The following ARID4B variants were observed in gnomAD, a reference collection of about 807,000 sequenced individuals.
The protein encoded by ARID4B is AT-rich interactive domain-containing protein 4B.
Under a neutral mutation model 147.5 loss-of-function variants are expected in ARID4B, and 26 were observed. The observed-to-expected ratio is 0.18, with a 90% CI of 0.13 to 0.24. ARID4B has a LOEUF of 0.24. Among genes scored for constraint, ARID4B ranks in the 10% least tolerant of loss-of-function variants. The pLI, the probability that ARID4B is intolerant of heterozygous loss-of-function variation, is 1.00. For synonymous variants in ARID4B, 512 were observed against 507.9 expected (o/e 1.01, Z -0.11); for missense variants, 1,179 against 1,511.5 (o/e 0.78, Z 3.65).
intron 2 of ARID4B, among the ~76,000 whole-genome samples, chr1:235,298,162 A>G (rs944716868): frequency 4.6e-5 from 7 of 152,192 alleles, no homozygotes; most frequent in African/African-American, 1.7e-4. Flanking sequence ...GGGAGAAAGG[A>G]GAGAAGAGGG....
intron 2 of ARID4B, among the ~76,000 whole-genome samples, chr1:235,318,237 C>T (rs1381384535): frequency 3.8e-5 from 5 of 132,580 alleles, no homozygotes; most frequent in East Asian, 2.2e-4. Context: ...AGTGCAGTGG[C>T]GCCATCGCAG....
chr1:235,268,359 G>GTATA (rs1232086723), intron 2 of ARID4B, among the ~76,000 whole-genome samples: 1 of 130,336 alleles, frequency 7.7e-6, no homozygotes, highest in African/African-American at 2.9e-5. Flanking sequence ...ATATATATGT[G>GTATA]TATATATACA....
At chr1:235,291,915 C>T (rs768447475) in intron 2 of ARID4B, among the ~76,000 whole-genome samples, 1 of 151,968 alleles carries the variant, frequency 6.6e-6, no homozygotes, top group Non-Finnish European at 1.5e-5. Flanking sequence ...CTTGTGTTTG[C>T]CTTTCTACGT....
At chr1:235,227,855 CG>C (rs1030702527) in intron 11 of ARID4B, among the ~76,000 whole-genome samples, 3 of 125,672 alleles carry the variant, frequency 2.4e-5, no homozygotes, top group African/African-American at 1.0e-4. Context: ...TTTTTTGAGA[CG>C]GGGTCTCCTA....
Position 235,220,364 on chromosome 1 carries a change from G to A in ARID4B, c.1345C>T (p.Pro449Ser). The change falls in exon 15 of 24, where the codon CCA becomes TCA. Residue 449 changes from proline to serine, a missense_variant. By Grantham distance (74) the Pro-to-Ser change is moderately conservative (BLOSUM62 -1). This residue lies in a region of ARID4B where 204 missense variants were observed against 210.9 expected (regional missense o/e 0.97). Coordinates refer to ENST00000264183, the MANE Select transcript of ARID4B (RefSeq NM_016374.6). ...TCCTCAATAGGCTTTTCTTCTCTTG[G>A]TATTATATTCCTCTCCTCCTCCATC... is the stretch of plus-strand genomic sequence containing the variant. The part of the protein sequence containing the change: ...IKMEEERNII[P>S]REEKPIEDEI... 2 of 1,607,430 alleles carry A rather than the reference G, an allele frequency of 1.2e-6. No homozygotes were observed. Among genetic ancestry groups the A allele is most frequent in the Non-Finnish European group, 8.5e-7 (1 of 1,175,304 alleles).
chr1:235,313,169 A>C (rs1483514419), intron 2 of ARID4B, among the ~76,000 whole-genome samples: 1 of 151,968 alleles, frequency 6.6e-6, no homozygotes, highest in African/African-American at 2.4e-5. Flanking sequence ...TCAGCCTCCC[A>C]AACAGGCATA....
intron 2 of ARID4B, among the ~76,000 whole-genome samples, chr1:235,321,740 C>T (rs1213317647): frequency 6.6e-6 from 1 of 152,156 alleles, no homozygotes; most frequent in Admixed American, 6.6e-5. Flanking sequence ...ACCTCATGAT[C>T]CACCCACCTC....
At chr1:235,186,270 C>G (rs1193735723) in intron 19 of ARID4B, among the ~76,000 whole-genome samples, 2 of 151,952 alleles carry the variant, frequency 1.3e-5, no homozygotes, top group East Asian at 3.9e-4. Context: ...CCTGGCCTCT[C>G]TCCTCTGTTT....
intron 2 of ARID4B, among the ~76,000 whole-genome samples, chr1:235,297,424 C>T (rs1672815659): frequency 6.6e-6 from 1 of 152,182 alleles, no homozygotes; most frequent in East Asian, 1.9e-4. Context: ...ATTTTAAAGA[C>T]AGTAAATACA....
intron 14 of ARID4B, among the ~76,000 whole-genome samples, 197 bp downstream of exon 14, chr1:235,221,368 C>T (rs1478664981): frequency 1.3e-5 from 2 of 151,130 alleles, no homozygotes; most frequent in African/African-American, 2.4e-5. Flanking sequence ...TACTTAGCCA[C>T]AAAAACTTTC....
At chr1:235,324,597 A>C (rs927557902) in intron 2 of ARID4B, among the ~76,000 whole-genome samples, 1 of 152,350 alleles carries the variant, frequency 6.6e-6, no homozygotes, top group South Asian at 2.1e-4. Context: ...GTTTGGTAAG[A>C]TCCAATAAAT....
At chr1:235,225,365 T>A (rs1667762677) in intron 11 of ARID4B, among the ~76,000 whole-genome samples, 1 of 152,206 alleles carries the variant, frequency 6.6e-6, no homozygotes, top group African/African-American at 2.4e-5. Flanking sequence ...AATAAAATAG[T>A]TCCCCAATTT....
At position 235,173,742 on chromosome 1, in the gene ARID4B, T is replaced by TAA. The variant is rs755815257; in HGVS notation, c.3665-980_3665-979dup. 1.5e-3 allele frequency among the ~76,000 whole-genome samples: 40 copies of TAA among 26,264 alleles called. 6 individuals are homozygous for TAA. The highest frequency in any genetic ancestry group is 2.0e-3 in the Non-Finnish European group (32 of 15,950). 17.2% of individuals were successfully genotyped at this position (26,264 alleles called of 152,430 possible). The stretch of plus-strand genomic sequence containing the variant: ...AACATAATGAGACCTCGTCTCTATT[T>TAA]AAAAAAAAAAAAAAAAAAAAAAAAA... On this transcript the variant is annotated intron_variant, in intron 22 of 23. Coordinates refer to ENST00000264183, the MANE Select transcript of ARID4B (RefSeq NM_016374.6).
chr1:235,187,585 T>C (rs1319049163), intron 19 of ARID4B, among the ~76,000 whole-genome samples: 1 of 152,172 alleles, frequency 6.6e-6, no homozygotes, highest in East Asian at 1.9e-4. Flanking sequence ...ATTCAATTTC[T>C]CCACAGAACT....
intron 8 of ARID4B, among the ~76,000 whole-genome samples, chr1:235,236,714 T>C (rs1005046196): frequency 6.0e-5 from 9 of 149,976 alleles, no homozygotes; most frequent in Non-Finnish European, 1.2e-4. Flanking sequence ...GGTTTCACCA[T>C]GTTGGCCAGG....
intron 21 of ARID4B, chr1:235,177,020 A>G: frequency 2.2e-6 from 1 of 452,976 alleles, no homozygotes; most frequent in South Asian, 1.6e-5. Flanking sequence ...TGATGCACGG[A>G]GTCGTTGCTA....
intron 23 of ARID4B, 75 bp downstream of exon 23, chr1:235,172,543 A>G (rs1663442466): frequency 9.2e-7 from 1 of 1,092,830 alleles, no homozygotes; most frequent in East Asian, 2.9e-5. Context: ...GCGCCATTGC[A>G]CTCCAGCCTG....
intron 17 of ARID4B, among the ~76,000 whole-genome samples, chr1:235,202,587 T>C (rs757254843): frequency 1.3e-5 from 2 of 151,420 alleles, no homozygotes; most frequent in Non-Finnish European, 2.9e-5. Flanking sequence ...TCTTGCTCTG[T>C]TGCCCTGGCT....
chr1:235,262,193 C>T (rs1277096293), intron 2 of ARID4B, among the ~76,000 whole-genome samples: 1 of 151,876 alleles, frequency 6.6e-6, no homozygotes, highest in Non-Finnish European at 1.5e-5. Flanking sequence ...TAAATTCTCC[C>T]CTAAAAGTTG....
Sources: gnomAD v4.1 joint callset for allele counts (sites outside exome capture counted in the v4.1 genomes callset) on GRCh38, gnomAD v4.1.1 for gene constraint, gnomAD v4.1.1 regional missense constraint, MANE v1.5 for transcripts, NCBI Gene and HGNC (gene_info 2026-07-23, HGNC 2026-07-21) for gene names.